SP3: variants seen among roughly 807,000 people sequenced by gnomAD.
The protein encoded by SP3 is Sp3 transcription factor, also known as transcription factor Sp3.
In SP3, 10 loss-of-function variants were observed where a neutral mutation model predicts 70.3. The observed-to-expected ratio is 0.14, with a 90% CI of 0.09 to 0.24. The LOEUF is 0.24. Among genes scored for constraint, SP3 ranks in the 10% least tolerant of loss-of-function variants. SP3 has a pLI of 1.00. For synonymous variants in SP3, 402 were observed against 333.5 expected (o/e 1.21, Z -2.24); for missense variants, 825 against 914.6 (o/e 0.90, Z 1.26).
At chr2:173,965,495 C>T (rs1691266486), upstream of SP3, 3 of 319,088 alleles carry the variant, frequency 9.4e-6, no homozygotes, top group Non-Finnish European at 1.7e-5. Context: ...TTCCTGTTTG[C>T]CCCCGGGTGG....
At chr2:173,912,035 C>T (rs1689500129) in intron 6 of SP3, among the ~76,000 whole-genome samples, 1 of 152,110 alleles carries the variant, frequency 6.6e-6, no homozygotes, top group Admixed American at 6.5e-5. Flanking sequence ...CCAGGCTGGT[C>T]TCAAACTCCT....
intron 4 of SP3, among the ~76,000 whole-genome samples, chr2:173,930,624 A>G (rs1286941013): frequency 1.3e-5 from 2 of 152,222 alleles, no homozygotes; most frequent in East Asian, 1.9e-4. Flanking sequence ...TGCATTAAAT[A>G]TATTACTTGC....
chr2:173,938,689 G>A (rs187630067), intron 4 of SP3, among the ~76,000 whole-genome samples: 38 of 152,126 alleles, frequency 2.5e-4, no homozygotes, highest in Non-Finnish European at 5.1e-4. Context: ...TTAAACAAGC[G>A]GTAATTCAAA....
At chr2:173,917,315 A>G (rs1196294927) in intron 5 of SP3, among the ~76,000 whole-genome samples, 1 of 124,104 alleles carries the variant, frequency 8.1e-6, no homozygotes, top group Admixed American at 8.0e-5. Context: ...TCAAAAAACA[A>G]AACTTTAAAC....
chr2:173,939,764 CAAAA>C (rs3045251), intron 4 of SP3, among the ~76,000 whole-genome samples: 5 of 70,190 alleles, frequency 7.1e-5, no homozygotes, highest in East Asian at 4.8e-4. Flanking sequence ...GACTCCAACT[CAAAA>C]AAAAAAAAAA....
At chr2:173,944,206 T>A (rs191549250) in intron 4 of SP3, among the ~76,000 whole-genome samples, 1 of 152,356 alleles carries the variant, frequency 6.6e-6, no homozygotes, top group East Asian at 1.9e-4. Flanking sequence ...ATGAGATTTA[T>A]GAAAACAACG....
intron 5 of SP3, among the ~76,000 whole-genome samples, chr2:173,918,183 AT>A (rs1689658814): frequency 6.6e-6 from 1 of 151,946 alleles, no homozygotes; most frequent in South Asian, 2.1e-4. Context: ...ATTAAGGCTT[AT>A]TTTTCACTTC....
At chr2:173,941,203 C>T (rs929571665) in intron 4 of SP3, among the ~76,000 whole-genome samples, 1 of 151,602 alleles carries the variant, frequency 6.6e-6, no homozygotes, top group African/African-American at 2.4e-5. Context: ...TCTACTCATG[C>T]TTTCCTCCCC....
At chr2:173,913,644 T>C (rs1689548655) in intron 5 of SP3, 2 of 154,186 alleles carry the variant, frequency 1.3e-5, no homozygotes, top group Admixed American at 6.5e-5. Flanking sequence ...AAATGTGGTC[T>C]GTATTCAAAA....
Position 173,955,068 on chromosome 2 carries a change from T to C in SP3, c.1444A>G (p.Thr482Ala), listed in dbSNP as rs1460382278. The change falls in exon 4 of 7, where the codon ACT (threonine) becomes GCT (alanine). Residue 482 changes from threonine (T) to alanine (A), a missense_variant. Transcript: ENST00000310015. ...QNLQNLQIQN[T>A]AAQQITLTPV... ...GTCAAAGTTATTTGTTGGGCAGCAGTATTCTGTATTTGCAAATTCTGCAAG... is the reference window on the plus strand; with the variant it reads ...GTCAAAGTTATTTGTTGGGCAGCAGCATTCTGTATTTGCAAATTCTGCAAG... 2.5e-6 allele frequency: 4 copies of C among 1,614,206 alleles called. No homozygotes were observed. The highest frequency in any genetic ancestry group is 3.4e-6 in the Non-Finnish European group (4 of 1,180,024).
At chr2:173,932,155 C>T (rs1165146498) in intron 4 of SP3, among the ~76,000 whole-genome samples, 2 of 152,136 alleles carry the variant, frequency 1.3e-5, no homozygotes, top group Admixed American at 1.3e-4. Context: ...TTCACTTGAA[C>T]ACTTAGAGGC....
chr2:173,946,491 C>T (rs1574417928), intron 4 of SP3, among the ~76,000 whole-genome samples: 1 of 152,102 alleles, frequency 6.6e-6, no homozygotes, highest in East Asian at 1.9e-4. Context: ...CTGTTATTTC[C>T]TCATTTCCAA....
rs1237352057 is a variant in SP3 at position 173,904,928 on chromosome 2, G to A, written c.*5013C>T. 6.6e-6 allele frequency among the ~76,000 whole-genome samples: 1 copy of A among 152,136 alleles called. No homozygotes were observed. Among genetic ancestry groups the A allele is most frequent in the Admixed American group, 6.5e-5 (1 of 15,274 alleles). ...AATCTTAAAAACCACTTCAGTGCTA[G>A]ACTTTATCTTTCAGTCGCAATGAAC... On this transcript the variant is annotated 3_prime_UTR_variant, in exon 7 of 7. Coordinates refer to ENST00000310015, the MANE Select transcript of SP3 (RefSeq NM_003111.5).
rs746512939 is a variant in SP3, at chr2:173,964,417, TGCCGCCGCC to T, written c.135_143del (p.Ala49_Ala51del). ...AGCCGCTCCTCACCTGGGCCGCCGC[TGCCGCCGCC>T]ACCGCACCGTTTCCGTGCTGTTGCT... On this transcript the variant is annotated inframe_deletion, in exon 2 of 7. Transcript: ENST00000310015. 2.5e-5 allele frequency: 18 copies of T among 720,954 alleles called. No individual in the cohort carries two copies. Among genetic ancestry groups the T allele is most frequent in the Non-Finnish European group, 4.3e-5 (17 of 394,518 alleles). 44.7% of individuals were successfully genotyped at this position (720,954 alleles called of 1,614,324 possible).
intron 4 of SP3, among the ~76,000 whole-genome samples, chr2:173,939,764 C>CAAAAAAAAAAAAAA (rs3045251): frequency 0.019 from 1,336 of 70,006 alleles, 109 homozygotes; most frequent in East Asian, 0.044. Context: ...GACTCCAACT[C>CAAAAAAAAAAAAAA]AAAAAAAAAA....
chr2:173,961,936 T>TC (rs1691095335), intron 3 of SP3, among the ~76,000 whole-genome samples: 1 of 43,524 alleles, frequency 2.3e-5, no homozygotes, highest in Non-Finnish European at 5.0e-5. Context: ...ATGGTTTGGG[T>TC]TTTTTTTTTT....
In SP3 at chr2:173,913,059, G is replaced by A; in HGVS notation, c.2029+11C>T. On this transcript the variant is annotated intron_variant, in intron 6 of 6. Transcript: ENST00000310015. ...ATTCATTTTTGTCTGTTAAAAGTAA[G>A]TATTAGTAACCTGTATGTGTTCTTC... The A allele has an allele frequency of 6.4e-7, 1 of 1,573,822 alleles. No homozygotes were observed. Among genetic ancestry groups the A allele is most frequent in the South Asian group, 1.2e-5 (1 of 84,538 alleles).
chr2:173,961,807 C>T (rs1423773447), intron 3 of SP3, among the ~76,000 whole-genome samples: 1 of 151,984 alleles, frequency 6.6e-6, no homozygotes, highest in African/African-American at 2.4e-5. Context: ...CATATTTGCA[C>T]TGGAAAAATA....
In SP3 at chr2:173,909,871, G is replaced by A. The variant is rs1574394005; in HGVS notation, c.*70C>T. 6.8e-7 allele frequency: 1 copy of A among 1,479,242 alleles called. No homozygotes were observed. Among genetic ancestry groups the A allele is most frequent in the Admixed American group, 2.1e-5 (1 of 47,080 alleles). The allele number at this position is 1,479,242 out of a possible 1,614,324, so 91.6% of individuals were successfully genotyped here. On this transcript the variant is annotated 3_prime_UTR_variant, in exon 7 of 7. Transcript: ENST00000310015. ...TGCACATCAATAAAAAGATATCTAA[G>A]AACTTAGGAACAATATTCTTCTCAC... is the stretch of plus-strand genomic sequence containing the variant.
Sources: gnomAD v4.1 joint callset for allele counts (sites outside exome capture counted in the v4.1 genomes callset) on GRCh38, gnomAD v4.1.1 for gene constraint, MANE v1.5 for transcripts, NCBI Gene and HGNC (gene_info 2026-07-23, HGNC 2026-07-21) for gene names.